WNK1: variants seen among roughly 807,000 people sequenced by gnomAD.
The protein encoded by WNK1 is WNK lysine deficient protein kinase 1.
Under a neutral mutation model 222.8 loss-of-function variants are expected in WNK1, and 38 were observed. That is an observed-to-expected ratio of 0.17 (90% CI 0.13 to 0.22). The LOEUF (loss-of-function observed/expected upper bound fraction) is 0.22, where lower values mean the gene tolerates loss of function less well. Among genes scored for constraint, WNK1 ranks in the 10% least tolerant of loss-of-function variants. WNK1 has a pLI of 1.00. For missense variants in WNK1, 2,348 were observed against 2,918.4 expected, an observed-to-expected ratio of 0.80 and a Z score of 4.50; for synonymous variants, 1,090 against 1,092.9, an observed-to-expected ratio of 1.00 and a Z score of 0.05.
At chr12:809,974 G>C (rs10849561) in intron 1 of WNK1, among the ~76,000 whole-genome samples, 87,586 of 151,904 alleles carry the variant, frequency 0.58, 25,572 homozygotes, top group East Asian at 0.81. Context: ...AATAGAGGCC[G>C]GGCACGGTGG....
rs1037738632 is a variant in WNK1, at chr12:911,039, G to C, written c.*2247G>C. 1.5e-4 allele frequency: 50 copies of C among 344,704 alleles called. No individual in the cohort carries two copies. Among genetic ancestry groups the C allele is most frequent in the Non-Finnish European group, 2.3e-4 (45 of 194,122 alleles). 21.4% of individuals were successfully genotyped at this position (344,704 alleles called of 1,614,324 possible). A position where few individuals can be genotyped will look rare whatever the true frequency, so the allele number is the denominator to read the frequency against. ...GCAGCACATTATCATTTGTTATTTG[G>C]GTTTAATAATAATTTTGACATCTTT... is the stretch of plus-strand genomic sequence containing the variant. On this transcript the variant is annotated 3_prime_UTR_variant, in exon 28 of 28. Coordinates refer to ENST00000315939, the MANE Select transcript of WNK1 (RefSeq NM_018979.4).
At chr12:863,142 G>A (rs1355364926) in intron 8 of WNK1, among the ~76,000 whole-genome samples, 1 of 152,158 alleles carries the variant, frequency 6.6e-6, no homozygotes, top group Non-Finnish European at 1.5e-5. Context: ...AGATCTTTAA[G>A]CAGACAGATT....
chr12:761,309 T>C (rs1237973987), intron 1 of WNK1, among the ~76,000 whole-genome samples: 1 of 148,262 alleles, frequency 6.7e-6, no homozygotes, highest in Non-Finnish European at 1.5e-5. Context: ...TTATGCTAAA[T>C]GAATATGTTG....
At chr12:846,623 A>G (rs372978831) in intron 4 of WNK1, among the ~76,000 whole-genome samples, 9 of 152,344 alleles carry the variant, frequency 5.9e-5, no homozygotes, top group East Asian at 5.8e-4. Context: ...ATCCAGCCCT[A>G]TAACAACCAA....
At chr12:781,360 C>G (rs1360085384) in intron 1 of WNK1, 1 of 152,460 alleles carries the variant, frequency 6.6e-6, no homozygotes, top group Non-Finnish European at 1.5e-5. Context: ...CTTTTAACCA[C>G]TTAATTAAAT....
intron 8 of WNK1, among the ~76,000 whole-genome samples, chr12:869,422 T>A (rs1438873395): frequency 6.6e-6 from 1 of 152,190 alleles, no homozygotes; most frequent in Non-Finnish European, 1.5e-5. Context: ...CAAGTGTATG[T>A]AATGTATGGT....
rs1055506850 is a variant in WNK1, at chr12:753,133, C to G, written c.-433C>G. 6 of 154,694 alleles carry G rather than the reference C, an allele frequency of 3.9e-5. No homozygotes were observed. The highest frequency in any genetic ancestry group is 1.5e-4 in the African/African-American group (6 of 41,360). The allele number at this position is 154,694 out of a possible 1,614,324, so 9.6% of individuals were successfully genotyped here. On this transcript the variant is annotated 5_prime_UTR_variant, in exon 1 of 28. Transcript: ENST00000315939. This position sits in a 1 kb window ranked among gnomAD's most constrained non-coding sequence, Gnocchi z 5.2. ...GCTCGCGGTGCCGCCGCCCTCTGGGCCTAGCCCGCCCAGCTCGGCGAGCGG... is the reference window on the plus strand; with the variant it reads ...GCTCGCGGTGCCGCCGCCCTCTGGGGCTAGCCCGCCCAGCTCGGCGAGCGG...
chr12:795,621 A>G (rs551788821), intron 1 of WNK1, among the ~76,000 whole-genome samples: 1 of 152,142 alleles, frequency 6.6e-6, no homozygotes, highest in South Asian at 2.1e-4. Context: ...CTGTGAGTAC[A>G]GTTAAACCCA....
intron 9 of WNK1, among the ~76,000 whole-genome samples, chr12:873,117 GTACTAA>G (rs1565557738): frequency 6.6e-6 from 1 of 152,220 alleles, no homozygotes; most frequent in East Asian, 1.9e-4. Context: ...GAAGTACTGA[GTACTAA>G]TCTCCTAACT....
intron 8 of WNK1, chr12:865,164 C>G: frequency 6.5e-7 from 1 of 1,527,624 alleles, no homozygotes; most frequent in Non-Finnish European, 8.7e-7. Context: ...GCTGTTGCCT[C>G]TGTGTCCCGC....
chr12:804,843 A>G (rs1350822243), intron 1 of WNK1, among the ~76,000 whole-genome samples: 1 of 151,206 alleles, frequency 6.6e-6, no homozygotes, highest in Non-Finnish European at 1.5e-5. Context: ...TATTTTACCT[A>G]GCTTAATGTT....
At position 884,619 on chromosome 12, in the gene WNK1, T is replaced by G; in HGVS notation, c.3845-30T>G. 6.2e-7 allele frequency: 1 copy of G among 1,601,924 alleles called. No individual in the cohort carries two copies. Among genetic ancestry groups the G allele is most frequent in the Non-Finnish European group, 8.6e-7 (1 of 1,169,050 alleles). ...TTGAATCCATCCTTTTAAAATCAGC[T>G]GATTCTTATCTTTTTGTATTCCTTT... On this transcript the variant is annotated intron_variant, in intron 18 of 27. Coordinates refer to ENST00000315939, the MANE Select transcript of WNK1 (RefSeq NM_018979.4). The surrounding 1 kb of genome is among the most constrained non-coding windows in gnomAD (Gnocchi z 5.6).
At position 894,606 on chromosome 12, in the gene WNK1, G is replaced by T; in HGVS notation, c.5554G>T (p.Ala1852Ser). 6.2e-7 allele frequency: 1 copy of T among 1,614,064 alleles called. No homozygotes were observed. Among genetic ancestry groups the T allele is most frequent in the Non-Finnish European group, 8.5e-7 (1 of 1,179,964 alleles). ...EGPVLATSSG[A>S]GVFKMGRFQV... ...CCCTGTCCTAGCAACTAGTTCAGGAGCTGGTGTTTTTAAGATGGGACGATT... is the reference window on the plus strand; with the variant it reads ...CCCTGTCCTAGCAACTAGTTCAGGATCTGGTGTTTTTAAGATGGGACGATT... Residue 1852 changes from alanine (A) to serine (S), a missense_variant, in exon 23 of 28, where the codon GCT becomes TCT. Physicochemically the swap from Ala to Ser is moderately conservative, Grantham distance 99 (BLOSUM62 1). Transcript: ENST00000315939.
At chr12:811,861 G>A (rs1946937850) in intron 1 of WNK1, among the ~76,000 whole-genome samples, 1 of 151,998 alleles carries the variant, frequency 6.6e-6, no homozygotes, top group Non-Finnish European at 1.5e-5. Context: ...ATTAAGCAGG[G>A]GTTCTCAGAT....
intron 26 of WNK1, among the ~76,000 whole-genome samples, chr12:904,961 A>T (rs1200333074): frequency 1.3e-5 from 2 of 152,216 alleles, no homozygotes; most frequent in African/African-American, 4.8e-5. Flanking sequence ...CTCATACTTT[A>T]ATGAGAAGGC....
intron 1 of WNK1, among the ~76,000 whole-genome samples, chr12:772,908 T>A (rs902685721): frequency 2.0e-5 from 3 of 152,164 alleles, no homozygotes; most frequent in African/African-American, 7.2e-5. Flanking sequence ...AGTGGTACTG[T>A]GTGGTTCAGA....
At position 862,135 on chromosome 12, in the gene WNK1, A is replaced by C. The variant is rs1346683942; in HGVS notation, c.2004A>C (p.Arg668=). The part of the protein sequence containing the change: ...GQGSSVFTES[R]VSSQQTVSYG... ...GATCCTCTGTCTTCACAGAATCTCGAGTGAGCAGCCAACAGACAGTTTCAT... is the reference window on the plus strand; with the variant it reads ...GATCCTCTGTCTTCACAGAATCTCGCGTGAGCAGCCAACAGACAGTTTCAT... The change falls in exon 8 of 28, where the codon CGA becomes CGC. Residue 668 remains arginine (R), a synonymous_variant. Coordinates refer to ENST00000315939, the MANE Select transcript of WNK1 (RefSeq NM_018979.4). 2 of 1,613,896 alleles carry C rather than the reference A, an allele frequency of 1.2e-6. No homozygotes were observed. Among genetic ancestry groups the C allele is most frequent in the African/African-American group, 2.7e-5 (2 of 74,842 alleles).
intron 1 of WNK1, among the ~76,000 whole-genome samples, chr12:784,356 A>G (rs140499712): frequency 6.6e-6 from 1 of 152,150 alleles, no homozygotes; most frequent in Non-Finnish European, 1.5e-5. Context: ...CTCTTGTTAA[A>G]CTGTTCAACA....
intron 4 of WNK1, among the ~76,000 whole-genome samples, chr12:842,240 G>T (rs1434870015): frequency 1.3e-5 from 2 of 152,136 alleles, no homozygotes; most frequent in Non-Finnish European, 1.5e-5. Flanking sequence ...TTGAATAGCA[G>T]CAAGTAGAAA....
Sources: gnomAD v4.1 joint callset for allele counts (sites outside exome capture counted in the v4.1 genomes callset) on GRCh38, gnomAD v4.1.1 for gene constraint, Gnocchi (gnomAD v3.1) non-coding constraint, MANE v1.5 for transcripts, NCBI Gene and HGNC (gene_info 2026-07-23, HGNC 2026-07-21) for gene names.